The following PIEZO2 variants were observed in gnomAD, a reference collection of about 807,000 sequenced individuals.
PIEZO2 encodes the protein piezo-type mechanosensitive ion channel component 2.
PIEZO2 carries 172 observed loss-of-function variants against 337.3 expected under a neutral mutation model. That is an observed-to-expected ratio of 0.51 (90% CI 0.45 to 0.58). The LOEUF is 0.58. Ranked by LOEUF, PIEZO2 falls within the 20% of genes least tolerant of loss-of-function variation. The pLI, the probability that PIEZO2 is intolerant of heterozygous loss-of-function variation, is 0.00. For synonymous variants in PIEZO2, 1,251 were observed against 1,228.5 expected (o/e 1.02, Z -0.38); for missense variants, 3,028 against 3,391.3 (o/e 0.89, Z 2.66).
chr18:10,935,281 G>A (rs2032327101), intron 3 of PIEZO2, among the ~76,000 whole-genome samples: 1 of 152,174 alleles, frequency 6.6e-6, no homozygotes. Context: ...TTGCTTGCCT[G>A]GAAGAAGCCT....
At chr18:10,904,745 A>AG (rs1408716838) in intron 4 of PIEZO2, among the ~76,000 whole-genome samples, 1 of 152,260 alleles carries the variant, frequency 6.6e-6, no homozygotes, top group East Asian at 1.9e-4. Flanking sequence ...CAGCCTCTGC[A>AG]GCTGACATTT....
At chr18:10,728,954 C>CAAAAAAAA (rs143511795) in intron 36 of PIEZO2, among the ~76,000 whole-genome samples, 8 of 75,590 alleles carry the variant, frequency 1.1e-4, no homozygotes, top group East Asian at 3.2e-4. Context: ...GACTCTGTCT[C>CAAAAAAAA]AAAAAAAAAA....
Position 10,927,685 on chromosome 18 carries a change from G to T in PIEZO2, c.287-16457C>A, listed in dbSNP as rs149248301. 2.4e-3 allele frequency among the ~76,000 whole-genome samples: 370 copies of T among 152,188 alleles called. 1 individual carries two copies. Among genetic ancestry groups the T allele is most frequent in the Non-Finnish European group, 4.3e-3 (290 of 67,994 alleles). ...ATATATATATAGTGTTTTCAAATTTGAGGTATTTAATCGTACCTAAAATGA... is the reference window on the plus strand; with the variant it reads ...ATATATATATAGTGTTTTCAAATTTTAGGTATTTAATCGTACCTAAAATGA... On this transcript the variant is annotated intron_variant, in intron 3 of 55. Coordinates refer to ENST00000674853, the MANE Select transcript of PIEZO2 (RefSeq NM_001378183.1).
At position 11,032,901 on chromosome 18, in the gene PIEZO2, CAGAG is replaced by C. The variant is rs1162960504; in HGVS notation, c.160+33222_160+33225del. Among the ~76,000 whole-genome samples, 1 of 152,118 alleles carries C rather than the reference CAGAG, an allele frequency of 6.6e-6. No homozygotes were observed. The highest frequency in any genetic ancestry group is 1.9e-4 in the East Asian group (1 of 5,186). On this transcript the variant is annotated intron_variant, in intron 2 of 55. Transcript: ENST00000674853. This position sits in a 1 kb window ranked among gnomAD's most constrained non-coding sequence, Gnocchi z 4.9. ...TGGAGTATCTGAGTAGCTCAGAAGA[CAGAG>C]AGGAGAACATTGCTGAGGCCCTTCT...
Position 10,784,719 on chromosome 18 carries a change from C to CTAAG in PIEZO2, c.2492+61_2492+64dup. 1 of 1,330,332 alleles carries CTAAG rather than the reference C, an allele frequency of 7.5e-7. No individual in the cohort carries two copies. Among genetic ancestry groups the CTAAG allele is most frequent in the South Asian group, 1.6e-5 (1 of 61,508 alleles). 82.4% of individuals were successfully genotyped at this position (1,330,332 alleles called of 1,614,324 possible). A position where few individuals can be genotyped will look rare whatever the true frequency, so the allele number is the denominator to read the frequency against. ...ACTGGCTTCTCGCAAGGTGGCCAAC[C>CTAAG]TAAGGTAGGGTTGAAGAGCTGCCTT... On this transcript the variant is annotated intron_variant, in intron 17 of 55. Transcript: ENST00000674853. The surrounding 1 kb of genome is among the most constrained non-coding windows in gnomAD (Gnocchi z 4.5).
intron 20 of PIEZO2, among the ~76,000 whole-genome samples, chr18:10,772,411 T>C (rs1290799384): frequency 1.3e-5 from 2 of 152,200 alleles, no homozygotes; most frequent in African/African-American, 4.8e-5. Context: ...TGAAGTAGTG[T>C]CATAAAATCC....
At position 11,083,562 on chromosome 18, in the gene PIEZO2, G is replaced by T. The variant is rs2038822846; in HGVS notation, c.65-17340C>A. Reference sequence around the variant, plus strand: ...GGTGGTGCCAGCCCTGCAGGGCACGGTGTGGGCTCTTCCTGTGGCATGCAG... The same window carrying T: ...GGTGGTGCCAGCCCTGCAGGGCACGTTGTGGGCTCTTCCTGTGGCATGCAG... On this transcript the variant is annotated intron_variant, in intron 1 of 55. Transcript: ENST00000674853. The surrounding 1 kb of genome is among the most constrained non-coding windows in gnomAD (Gnocchi z 4.4). 1.3e-5 allele frequency among the ~76,000 whole-genome samples: 2 copies of T among 152,192 alleles called. No individual in the cohort carries two copies.
intron 7 of PIEZO2, among the ~76,000 whole-genome samples, chr18:10,816,598 A>G (rs780821729): frequency 1.4e-4 from 21 of 152,192 alleles, no homozygotes; most frequent in Non-Finnish European, 1.9e-4. Flanking sequence ...TAGGGGCAAC[A>G]CCTAAATACC....
chr18:10,918,965 A>G (rs1195072777), intron 3 of PIEZO2, among the ~76,000 whole-genome samples: 1 of 152,082 alleles, frequency 6.6e-6, no homozygotes, highest in Admixed American at 6.5e-5. Flanking sequence ...TCCTAGGAGT[A>G]TAATTATAAG....
chr18:10,971,365 A>G (rs1305035415), intron 3 of PIEZO2, among the ~76,000 whole-genome samples: 1 of 152,192 alleles, frequency 6.6e-6, no homozygotes, highest in East Asian at 1.9e-4. Context: ...TTTTATTTCT[A>G]TCTTTAGGAA....
chr18:10,876,665 A>G (rs1166360553), intron 4 of PIEZO2, among the ~76,000 whole-genome samples: 2 of 152,186 alleles, frequency 1.3e-5, no homozygotes, highest in African/African-American at 4.8e-5. Context: ...CCATTTCCTC[A>G]TCTTACAGAA....
intron 41 of PIEZO2, 92 bp downstream of exon 41, chr18:10,705,244 C>T: frequency 7.1e-7 from 1 of 1,400,880 alleles, no homozygotes; most frequent in Non-Finnish European, 9.4e-7. Context: ...GAACTTTTTT[C>T]TATATATGAA....
In PIEZO2 at chr18:11,136,686, ACC is replaced by A. The variant is rs142087701; in HGVS notation, c.64+11837_64+11838del. Reference sequence around the variant, plus strand: ...GGGGGTTGAAGAACAGGAAGCTCACACCCCCACAGCTAATGCTGGAGCCATGA... The same window carrying A: ...GGGGGTTGAAGAACAGGAAGCTCACACCCACAGCTAATGCTGGAGCCATGA... On this transcript the variant is annotated intron_variant, in intron 1 of 55. Transcript: ENST00000674853. 8.9e-3 allele frequency among the ~76,000 whole-genome samples: 1,348 copies of A among 152,176 alleles called. 26 individuals are homozygous for A. The highest frequency in any genetic ancestry group is 0.03 in the African/African-American group (1,247 of 41,522).
At chr18:10,702,216 A>C in intron 42 of PIEZO2, 45 bp from the exon 43 acceptor site, 1 of 1,501,196 alleles carries the variant, frequency 6.7e-7, no homozygotes, top group East Asian at 2.5e-5. Flanking sequence ...TCCTTTTAGG[A>C]ATAGATATAC....
At chr18:11,138,294 G>A (rs189597977) in intron 1 of PIEZO2, among the ~76,000 whole-genome samples, 1 of 152,224 alleles carries the variant, frequency 6.6e-6, no homozygotes, top group East Asian at 1.9e-4. Context: ...TGTTGTTGTA[G>A]TTTTGTTTGT....
At chr18:10,776,258 G>A (rs562879936) in intron 18 of PIEZO2, among the ~76,000 whole-genome samples, 6 of 152,146 alleles carry the variant, frequency 3.9e-5, no homozygotes, top group South Asian at 4.2e-4. Flanking sequence ...TTTAAGTCTC[G>A]GTTAGCTGAA....
At chr18:11,061,242 G>C (rs375810832) in intron 2 of PIEZO2, among the ~76,000 whole-genome samples, 1 of 151,722 alleles carries the variant, frequency 6.6e-6, no homozygotes, top group Non-Finnish European at 1.5e-5. Context: ...ATTAGGTATT[G>C]ATGGGACGTA....
At chr18:10,864,745 A>G (rs7230684) in intron 5 of PIEZO2, among the ~76,000 whole-genome samples, 38,765 of 152,098 alleles carry the variant, frequency 0.25, 4,933 homozygotes, top group Non-Finnish European at 0.27. Context: ...GTGGGGACAA[A>G]AGCATCCATG....
At chr18:10,731,217 A>ATATATC (rs920739096) in intron 36 of PIEZO2, among the ~76,000 whole-genome samples, 190 bp downstream of exon 36, 2 of 128,762 alleles carry the variant, frequency 1.6e-5, no homozygotes, top group East Asian at 2.2e-4. Flanking sequence ...ATATATATAT[A>ATATATC]TCTCCTAACT....
Sources: gnomAD v4.1 joint callset for allele counts (sites outside exome capture counted in the v4.1 genomes callset) on GRCh38, gnomAD v4.1.1 for gene constraint, Gnocchi (gnomAD v3.1) non-coding constraint, MANE v1.5 for transcripts, NCBI Gene and HGNC (gene_info 2026-07-23, HGNC 2026-07-21) for gene names.